The following DROSHA variants were observed in gnomAD, a reference collection of about 807,000 sequenced individuals.
The protein encoded by DROSHA is drosha ribonuclease III, also known as ribonuclease 3.
A neutral mutation model predicts 181.9 loss-of-function variants in DROSHA; 56 were observed. The observed-to-expected ratio is 0.31, with a 90% confidence interval of 0.25 to 0.38. The LOEUF is 0.38. Among genes scored for constraint, DROSHA ranks in the 10% least tolerant of loss-of-function variants. The pLI is 1.00. For missense variants in DROSHA, 1,218 were observed against 1,743.5 expected, an observed-to-expected ratio of 0.70 and a Z score of 5.37; for synonymous variants, 524 against 591.2, an observed-to-expected ratio of 0.89 and a Z score of 1.65.
At chr5:31,407,379 C>CGAA (rs1363217326) in intron 33 of DROSHA, among the ~76,000 whole-genome samples, 3 of 152,212 alleles carry the variant, frequency 2.0e-5, no homozygotes, top group Non-Finnish European at 4.4e-5. Flanking sequence ...AATGCTTTCA[C>CGAA]ATCCTTTATG....
At chr5:31,466,641 C>T (rs957628966) in intron 18 of DROSHA, among the ~76,000 whole-genome samples, 5 of 152,168 alleles carry the variant, frequency 3.3e-5, no homozygotes, top group Admixed American at 6.5e-5. Context: ...TTTAAATATA[C>T]ACTTTCTGAT....
chr5:31,495,454 A>T, intron 11 of DROSHA, 82 bp from the exon 12 acceptor site: 1 of 1,298,328 alleles, frequency 7.7e-7, no homozygotes, highest in Non-Finnish European at 1.1e-6. Flanking sequence ...TCCTAGATTC[A>T]CATCTAACAA....
chr5:31,442,912 G>A (rs892820252), intron 23 of DROSHA, among the ~76,000 whole-genome samples: 4 of 151,932 alleles, frequency 2.6e-5, no homozygotes, highest in Non-Finnish European at 1.5e-5. Flanking sequence ...GAAGCATTTA[G>A]GGTGATGGAA....
chr5:31,409,196 C>T lies in DROSHA; in HGVS notation c.3751-37G>A, dbSNP rs369208371. 5 of 1,609,442 alleles carry T rather than the reference C, an allele frequency of 3.1e-6. No homozygotes were observed. Among genetic ancestry groups the T allele is most frequent in the Non-Finnish European group, 4.2e-6 (5 of 1,177,604 alleles). On this transcript the variant is annotated intron_variant, in intron 32 of 35. Coordinates refer to ENST00000344624, the MANE Select transcript of DROSHA (RefSeq NM_001382508.1). This position sits in a 1 kb window ranked among gnomAD's most constrained non-coding sequence, Gnocchi z 4.0. ...CCCCAAAACTATTTAGTAATGGGTT[C>T]TGGAATCACCAAACATAAAGCAGAC...
intron 16 of DROSHA, among the ~76,000 whole-genome samples, chr5:31,478,893 C>G (rs1377604262): frequency 1.3e-5 from 2 of 152,184 alleles, no homozygotes. Context: ...TACATACTAT[C>G]TTAACACATA....
chr5:31,421,076 T>A (rs1348310017), intron 30 of DROSHA, among the ~76,000 whole-genome samples, 196 bp downstream of exon 30: 2 of 152,218 alleles, frequency 1.3e-5, no homozygotes, highest in Non-Finnish European at 2.9e-5. Flanking sequence ...AGGCAGTCAG[T>A]AAATAAAGGA....
intron 23 of DROSHA, among the ~76,000 whole-genome samples, chr5:31,437,949 C>A (rs1211585012): frequency 6.6e-6 from 1 of 152,180 alleles, no homozygotes; most frequent in Non-Finnish European, 1.5e-5. Flanking sequence ...AATCTACTCA[C>A]CCCTCAAGGC....
intron 30 of DROSHA, among the ~76,000 whole-genome samples, chr5:31,417,419 T>G (rs1051781089): frequency 6.6e-6 from 1 of 152,158 alleles, no homozygotes; most frequent in African/African-American, 2.4e-5. Context: ...GTAATCCGGC[T>G]TCTCTTTAAA....
intron 25 of DROSHA, 57 bp downstream of exon 25, chr5:31,435,708 T>C (rs566971460): frequency 2.3e-5 from 35 of 1,496,162 alleles, no homozygotes; most frequent in Non-Finnish European, 3.1e-5. Context: ...AAATTATGCA[T>C]GGACCGCAGA....
chr5:31,489,471 A>G (rs1401707553), intron 13 of DROSHA, among the ~76,000 whole-genome samples: 1 of 152,152 alleles, frequency 6.6e-6, no homozygotes, highest in African/African-American at 2.4e-5. Context: ...CTCCTCATCT[A>G]TTCAAACTGT....
chr5:31,481,582 G>T (rs981382246), intron 16 of DROSHA, among the ~76,000 whole-genome samples: 5 of 152,152 alleles, frequency 3.3e-5, no homozygotes, highest in Admixed American at 2.0e-4. Context: ...AGAAGAAACG[G>T]CATCTCAATA....
intron 20 of DROSHA, among the ~76,000 whole-genome samples, chr5:31,459,731 T>C (rs376585826): frequency 1.3e-5 from 2 of 152,216 alleles, no homozygotes; most frequent in East Asian, 1.9e-4. Flanking sequence ...GATAGTTTGA[T>C]AATGCATGGC....
At chr5:31,446,538 T>C (rs1273867055) in intron 23 of DROSHA, among the ~76,000 whole-genome samples, 1 of 151,134 alleles carries the variant, frequency 6.6e-6, no homozygotes. Flanking sequence ...GTGTAAAATG[T>C]ATACTCTGAA....
intron 23 of DROSHA, among the ~76,000 whole-genome samples, chr5:31,447,281 G>C (rs942167557): frequency 6.6e-6 from 1 of 152,134 alleles, no homozygotes; most frequent in African/African-American, 2.4e-5. Flanking sequence ...ATAACTAATA[G>C]CTATTAGGCT....
chr5:31,464,413 T>C, intron 19 of DROSHA, 70 bp from the exon 20 acceptor site: 1 of 1,392,590 alleles, frequency 7.2e-7, no homozygotes, highest in East Asian at 2.3e-5. Context: ...CATCAAGCAT[T>C]AGAAAATAAG....
intron 10 of DROSHA, 143 bp downstream of exon 10, chr5:31,508,478 C>A: frequency 8.3e-7 from 1 of 1,198,112 alleles, no homozygotes; most frequent in South Asian, 1.5e-5. Flanking sequence ...TAACCTGAAG[C>A]TGAAAAGAAA....
In DROSHA at chr5:31,455,379, A is replaced by G. The variant is rs924406175; in HGVS notation, c.2575-3739T>C. On this transcript the variant is annotated intron_variant, in intron 20 of 35. Coordinates refer to ENST00000344624, the MANE Select transcript of DROSHA (RefSeq NM_001382508.1). The stretch of plus-strand genomic sequence containing the variant: ...GAAGCAAAGAAAATACAAGATGCAT[A>G]TAAGTGGAGTACTTTAAAAATCAAA... 8.5e-5 allele frequency among the ~76,000 whole-genome samples: 13 copies of G among 152,244 alleles called. No homozygotes were observed. The East Asian group carries it at 1.7e-3, about 20-fold the overall frequency.
At chr5:31,419,946 A>G (rs1742470307) in intron 30 of DROSHA, among the ~76,000 whole-genome samples, 1 of 152,178 alleles carries the variant, frequency 6.6e-6, no homozygotes, top group Admixed American at 6.5e-5. Context: ...GTCCACCTAA[A>G]AACTGTTAAC....
chr5:31,515,609 A>T, intron 6 of DROSHA, 45 bp from the exon 7 acceptor site: 3 of 1,548,112 alleles, frequency 1.9e-6, no homozygotes, highest in Non-Finnish European at 2.6e-6. Context: ...ATGTCCACAT[A>T]TGGACAATTT....
Sources: allele counts gnomAD v4.1 joint callset (sites outside exome capture counted in the v4.1 genomes callset), GRCh38; gene constraint gnomAD v4.1.1; non-coding constraint Gnocchi (gnomAD v3.1); transcripts MANE v1.5; gene names NCBI Gene and HGNC (gene_info 2026-07-23, HGNC 2026-07-21).